Variants in RASGRF2 observed in about 807,000 individuals in gnomAD.
The protein encoded by RASGRF2 is Ras protein specific guanine nucleotide releasing factor 2.
Under a neutral mutation model 151.0 loss-of-function variants are expected in RASGRF2, and 76 were observed. The ratio of observed to expected loss-of-function variants is 0.50; its 90% CI spans 0.42 to 0.61. The LOEUF (loss-of-function observed/expected upper bound fraction) is 0.61. RASGRF2 is among the 20% of genes least tolerant of loss of function. The probability of loss-of-function intolerance (pLI) is 0.00; values close to 1 mark genes in which losing one functional copy is unlikely to be tolerated. For synonymous variants in RASGRF2, 504 were observed against 566.5 expected (o/e 0.89, Z 1.57); for missense variants, 1,148 against 1,564.6 (o/e 0.73, Z 4.49).
rs544885682 is a variant in RASGRF2, at chr5:81,063,189, G to A, written c.396-4843G>A. Among the ~76,000 whole-genome samples, 3 of 152,134 alleles carry A rather than the reference G, an allele frequency of 2.0e-5. No homozygotes were observed. The South Asian group carries it at 6.2e-4, about 32-fold the overall frequency. On this transcript the variant is annotated intron_variant, in intron 2 of 26. Transcript: ENST00000265080. ...GAAATGTTTTCATTTATCTTGTCTG[G>A]TATTTGGATTATTCTATTTGAACTG...
At chr5:80,962,895 T>C (rs1308724689) in intron 1 of RASGRF2, among the ~76,000 whole-genome samples, 1 of 152,264 alleles carries the variant, frequency 6.6e-6, no homozygotes, top group African/African-American at 2.4e-5. Context: ...TCAGTCATTT[T>C]ATTCATCTTC....
chr5:81,105,645 CTG>C (rs751921964), intron 12 of RASGRF2, among the ~76,000 whole-genome samples: 3 of 152,176 alleles, frequency 2.0e-5, no homozygotes, highest in Admixed American at 6.5e-5. Context: ...TTCCCACTTC[CTG>C]TGTTGGTTAC....
chr5:81,096,742 A>G lies in RASGRF2; in HGVS notation c.1755+1750A>G, dbSNP rs1427798842. On this transcript the variant is annotated intron_variant, in intron 12 of 26. Transcript: ENST00000265080. ...TGTGCCTGGTCCTTTAAAGAAAGGCACCCAATGCTTTGCCTGTCACTAGCA... is the reference window on the plus strand; with the variant it reads ...TGTGCCTGGTCCTTTAAAGAAAGGCGCCCAATGCTTTGCCTGTCACTAGCA... 2.0e-5 allele frequency among the ~76,000 whole-genome samples: 3 copies of G among 152,092 alleles called. No homozygotes were observed. In the East Asian group the frequency reaches 5.8e-4, roughly 29 times the overall value.
At position 81,123,629 on chromosome 5, in the gene RASGRF2, T is replaced by C. The variant is rs1054698252; in HGVS notation, c.2471-13T>C. Reference sequence around the variant, plus strand: ...ATGGCCTGGTTGTTAAAATTCATGATGTTTTCAAGCAGCAGTCCTAGAGTC... The same window carrying C: ...ATGGCCTGGTTGTTAAAATTCATGACGTTTTCAAGCAGCAGTCCTAGAGTC... On this transcript the variant is annotated splice_polypyrimidine_tract_variant and intron_variant, in intron 15 of 26. Transcript: ENST00000265080. 7.5e-6 allele frequency: 12 copies of C among 1,604,424 alleles called. No homozygotes were observed. Among genetic ancestry groups the C allele is most frequent in the Non-Finnish European group, 1.0e-5 (12 of 1,176,260 alleles).
At chr5:81,167,057 C>T (rs182625748) in intron 17 of RASGRF2, among the ~76,000 whole-genome samples, 92 of 152,240 alleles carry the variant, frequency 6.0e-4, no homozygotes, top group Middle Eastern at 3.4e-3. Context: ...AGTGAAGAGA[C>T]GGGATGATCC....
At chr5:81,169,282 G>A (rs752420706) in intron 17 of RASGRF2, among the ~76,000 whole-genome samples, 34 of 152,138 alleles carry the variant, frequency 2.2e-4, no homozygotes, top group East Asian at 9.7e-4. Flanking sequence ...CCTTAAATTC[G>A]TTTTTGTAGG....
chr5:81,030,923 C>T (rs1484332200), intron 1 of RASGRF2, among the ~76,000 whole-genome samples: 1 of 152,124 alleles, frequency 6.6e-6, no homozygotes, highest in Non-Finnish European at 1.5e-5. Flanking sequence ...TGCAGAGACA[C>T]ACATTGGCTC....
chr5:81,051,395 C>T (rs182167787), intron 2 of RASGRF2, among the ~76,000 whole-genome samples: 1 of 152,224 alleles, frequency 6.6e-6, no homozygotes, highest in Admixed American at 6.5e-5. Flanking sequence ...TTTTCTAGTA[C>T]AGTCACAAGG....
At chr5:81,219,929 A>G in intron 26 of RASGRF2, 151 bp downstream of exon 26, 1 of 533,410 alleles carries the variant, frequency 1.9e-6, no homozygotes, top group Admixed American at 3.8e-5. Flanking sequence ...CTGATTAAAA[A>G]AAAAAAAAAA....
chr5:81,108,894 G>A (rs1434868333), intron 12 of RASGRF2, 102 bp from the exon 13 acceptor site: 1 of 1,430,680 alleles, frequency 7.0e-7, no homozygotes, highest in Non-Finnish European at 9.3e-7. Flanking sequence ...GAGACAGGGA[G>A]AGAGAAATTG....
chr5:81,089,525 A>G (rs1752332374), intron 9 of RASGRF2, among the ~76,000 whole-genome samples: 1 of 152,226 alleles, frequency 6.6e-6, no homozygotes, highest in Non-Finnish European at 1.5e-5. Context: ...GTTTTATTGT[A>G]AATGGTTTCC....
intron 17 of RASGRF2, among the ~76,000 whole-genome samples, chr5:81,175,182 G>A (rs1754746841): frequency 6.6e-6 from 1 of 152,162 alleles, no homozygotes; most frequent in South Asian, 2.1e-4. Flanking sequence ...AACCTATGCA[G>A]TTGCTCTTAT....
Position 81,080,772 on chromosome 5 carries a change from A to C in RASGRF2, c.1144A>C (p.Thr382Pro), listed in dbSNP as rs1382182298. ...CEGRMLETFLTYPMFQIPRYI... is the reference protein window; with the variant it reads ...CEGRMLETFLPYPMFQIPRYI... ...GGGGAGGATGCTGGAGACATTCTTG[A>C]CCTATCCCATGTTTCAGGTAAGTCA... Residue 382 changes from threonine (T) to proline (P), a missense_variant, in exon 7 of 27, where the codon ACC (threonine) becomes CCC (proline). Transcript: ENST00000265080. 6.2e-7 allele frequency: 1 copy of C among 1,613,510 alleles called. No homozygotes were observed. The highest frequency in any genetic ancestry group is 1.1e-5 in the South Asian group (1 of 90,884).
chr5:81,015,001 C>G (rs932294507), intron 1 of RASGRF2, among the ~76,000 whole-genome samples: 1 of 151,992 alleles, frequency 6.6e-6, no homozygotes, highest in African/African-American at 2.4e-5. Flanking sequence ...CTCACTGTAT[C>G]CTTGACCTCC....
chr5:81,191,870 G>T (rs1253642683), intron 18 of RASGRF2, among the ~76,000 whole-genome samples: 1 of 151,796 alleles, frequency 6.6e-6, no homozygotes, highest in African/African-American at 2.4e-5. Context: ...GTCAGCAAAT[G>T]ATCAAATAAA....
At chr5:81,098,700 G>A (rs1415918222) in intron 12 of RASGRF2, among the ~76,000 whole-genome samples, 1 of 152,178 alleles carries the variant, frequency 6.6e-6, no homozygotes, top group Non-Finnish European at 1.5e-5. Context: ...TGAATGGTGG[G>A]TGGGTAGGTG....
At chr5:81,005,169 A>G (rs1267621275) in intron 1 of RASGRF2, among the ~76,000 whole-genome samples, 2 of 152,118 alleles carry the variant, frequency 1.3e-5, no homozygotes, top group East Asian at 1.9e-4. Flanking sequence ...TTCTATTCCC[A>G]CGCTGCTAAT....
chr5:81,213,731 T>A (rs551865253), intron 23 of RASGRF2, among the ~76,000 whole-genome samples: 7 of 152,262 alleles, frequency 4.6e-5, no homozygotes, highest in Non-Finnish European at 8.8e-5. Flanking sequence ...TTATCTTACC[T>A]TTCTCAGAGT....
intron 1 of RASGRF2, among the ~76,000 whole-genome samples, chr5:81,022,353 G>C (rs562650017): frequency 7.9e-5 from 12 of 152,296 alleles, no homozygotes; most frequent in Admixed American, 6.5e-4. Flanking sequence ...GCTCAGGGAG[G>C]CTCTGGATAG....
Sources: allele counts gnomAD v4.1 joint callset (sites outside exome capture counted in the v4.1 genomes callset), GRCh38; gene constraint gnomAD v4.1.1; transcripts MANE v1.5; gene names NCBI Gene and HGNC (gene_info 2026-07-23, HGNC 2026-07-21).